The following DCC variants were observed in gnomAD, a reference collection of about 807,000 sequenced individuals.
DCC encodes DCC netrin 1 receptor.
Under a neutral mutation model 172.5 loss-of-function variants are expected in DCC, and 58 were observed. The ratio of observed to expected loss-of-function variants is 0.34; its 90% CI spans 0.27 to 0.42. DCC has a LOEUF of 0.42. DCC is among the 10% of genes least tolerant of loss of function. DCC has a pLI of 1.00. For missense variants in DCC, 1,740 were observed against 1,791.0 expected, an observed-to-expected ratio of 0.97 and a Z score of 0.51; for synonymous variants, 709 against 644.5, an observed-to-expected ratio of 1.10 and a Z score of -1.52.
chr18:53,025,632 T>A (rs780682782), intron 5 of DCC, among the ~76,000 whole-genome samples: 5 of 152,120 alleles, frequency 3.3e-5, no homozygotes, highest in Non-Finnish European at 5.9e-5. Context: ...GATTTTATGA[T>A]GTTTTACCCA....
At chr18:53,100,715 G>A (rs903568749) in intron 7 of DCC, among the ~76,000 whole-genome samples, 5 of 152,106 alleles carry the variant, frequency 3.3e-5, no homozygotes, top group African/African-American at 1.2e-4. Context: ...AGGTCTCGGG[G>A]ATCGGATGTC....
At chr18:52,585,977 G>T (rs1274664332) in intron 1 of DCC, among the ~76,000 whole-genome samples, 2 of 150,910 alleles carry the variant, frequency 1.3e-5, no homozygotes, top group African/African-American at 4.9e-5. Context: ...CAGCTACTCG[G>T]GAGGCTGAGG....
At position 53,305,600 on chromosome 18, in the gene DCC, C is replaced by T; in HGVS notation, c.1934C>T (p.Pro645Leu). 6.2e-7 allele frequency: 1 copy of T among 1,612,918 alleles called. No individual in the cohort carries two copies. The highest frequency in any genetic ancestry group is 1.1e-5 in the South Asian group (1 of 91,060). Residue 645 changes from proline to leucine, a missense_variant, in exon 13 of 29, where the codon CCT (proline) becomes CTT (leucine). This residue lies in a region of DCC where 1,732 missense variants were observed against 1,767.4 expected (regional missense o/e 0.98). Transcript: ENST00000442544. ...NSRSIKVSWLPPPSGTQNGFI... is the reference protein window; with the variant it reads ...NSRSIKVSWLLPPSGTQNGFI... ...CAGAGTATCAAAGTTAGCTGGCTGCCTCCTCCATCAGGAACACAAAATGGA... is the reference window on the plus strand; with the variant it reads ...CAGAGTATCAAAGTTAGCTGGCTGCTTCCTCCATCAGGAACACAAAATGGA...
intron 3 of DCC, among the ~76,000 whole-genome samples, chr18:52,913,607 G>A (rs1005785493): frequency 4.6e-5 from 7 of 151,966 alleles, no homozygotes; most frequent in Non-Finnish European, 1.0e-4. Context: ...AAGTTCAAAA[G>A]CAAAAACAAT....
chr18:52,720,070 C>T (rs1310110767), intron 1 of DCC, among the ~76,000 whole-genome samples: 1 of 152,026 alleles, frequency 6.6e-6, no homozygotes, highest in African/African-American at 2.4e-5. Flanking sequence ...CCCCAGCAGG[C>T]TAGGTATGAT....
At chr18:52,859,270 T>TG (rs2039098532) in intron 2 of DCC, among the ~76,000 whole-genome samples, 1 of 152,146 alleles carries the variant, frequency 6.6e-6, no homozygotes, top group Admixed American at 6.5e-5. Flanking sequence ...GGACTAATGG[T>TG]GGATTGATCC....
chr18:53,166,402 G>A (rs1461893372), intron 8 of DCC, among the ~76,000 whole-genome samples: 1 of 152,114 alleles, frequency 6.6e-6, no homozygotes, highest in Non-Finnish European at 1.5e-5. Flanking sequence ...ATATGTATCA[G>A]GAATGTGTCA....
chr18:52,519,207 G>A (rs189933509), intron 1 of DCC, among the ~76,000 whole-genome samples: 4 of 152,232 alleles, frequency 2.6e-5, no homozygotes, highest in East Asian at 1.9e-4. Context: ...TTGTATTCAC[G>A]TGTGCCTTTC....
chr18:53,403,458 A>G (rs1909451447), intron 19 of DCC, among the ~76,000 whole-genome samples: 1 of 152,242 alleles, frequency 6.6e-6, no homozygotes, highest in Non-Finnish European at 1.5e-5. Context: ...TATTTTGCCA[A>G]ATATTGCTGA....
intron 1 of DCC, among the ~76,000 whole-genome samples, chr18:52,399,132 A>G (rs1344993586): frequency 6.6e-6 from 1 of 151,998 alleles, no homozygotes; most frequent in East Asian, 1.9e-4. Flanking sequence ...CTTGACAAAA[A>G]CAAGCATCTT....
intron 5 of DCC, among the ~76,000 whole-genome samples, chr18:53,006,756 C>A (rs1184125994): frequency 6.6e-6 from 1 of 152,174 alleles, no homozygotes; most frequent in Admixed American, 6.5e-5. Flanking sequence ...AAATTAATTT[C>A]ATCATTACCT....
intron 17 of DCC, among the ~76,000 whole-genome samples, chr18:53,393,874 G>C (rs1908735154): frequency 7.2e-6 from 1 of 138,566 alleles, no homozygotes; most frequent in Non-Finnish European, 1.6e-5. Context: ...CCTGACAGAA[G>C]GCTTTCAATT....
intron 2 of DCC, among the ~76,000 whole-genome samples, chr18:52,866,992 T>C (rs1181520073): frequency 6.6e-6 from 1 of 152,190 alleles, no homozygotes. Context: ...CTTTTGCCCA[T>C]TCAGTATGAT....
At chr18:53,520,961 T>G (rs1463837129) in intron 27 of DCC, among the ~76,000 whole-genome samples, 1 of 152,130 alleles carries the variant, frequency 6.6e-6, no homozygotes, top group African/African-American at 2.4e-5. Flanking sequence ...GGAGGCTGTT[T>G]AAATTCTTTG....
chr18:53,347,175 G>T (rs73957161), intron 15 of DCC, among the ~76,000 whole-genome samples: 2 of 152,218 alleles, frequency 1.3e-5, no homozygotes, highest in South Asian at 2.1e-4. Context: ...AGTGGTGAGG[G>T]TTTCTACTGG....
At chr18:52,566,370 G>T (rs145682754) in intron 1 of DCC, among the ~76,000 whole-genome samples, 6,044 of 152,128 alleles carry the variant, frequency 0.04, 156 homozygotes, top group Non-Finnish European at 0.054. Context: ...GCCTATCAGG[G>T]GTTGGGAGGC....
chr18:53,395,372 T>C (rs1050591659), intron 17 of DCC, among the ~76,000 whole-genome samples: 2 of 152,224 alleles, frequency 1.3e-5, no homozygotes, highest in Admixed American at 1.3e-4. Context: ...GCCTCTCAAA[T>C]GCCAGTGGTG....
At chr18:52,916,194 A>C (rs1598926673) in intron 3 of DCC, among the ~76,000 whole-genome samples, 1 of 133,452 alleles carries the variant, frequency 7.5e-6, no homozygotes, top group Non-Finnish European at 1.6e-5. Flanking sequence ...TTGTGTTTCA[A>C]GCTGAATTAG....
intron 7 of DCC, among the ~76,000 whole-genome samples, chr18:53,106,106 T>G (rs1377217510): frequency 6.6e-6 from 1 of 151,834 alleles, no homozygotes; most frequent in East Asian, 1.9e-4. Flanking sequence ...TAGGGGAAGC[T>G]AATAAAATCC....
Sources: gnomAD v4.1 joint callset for allele counts (sites outside exome capture counted in the v4.1 genomes callset) on GRCh38, gnomAD v4.1.1 for gene constraint, gnomAD v4.1.1 regional missense constraint, MANE v1.5 for transcripts, NCBI Gene and HGNC (gene_info 2026-07-23, HGNC 2026-07-21) for gene names.